ARNT2: variants seen among roughly 807,000 people sequenced by gnomAD.
The protein encoded by ARNT2 is aryl hydrocarbon receptor nuclear translocator 2, also known as ARNT protein 2.
ARNT2 carries 36 observed loss-of-function variants against 91.7 expected under a neutral mutation model. The observed-to-expected ratio is 0.39, with a 90% CI of 0.30 to 0.52. The LOEUF (loss-of-function observed/expected upper bound fraction) is 0.52. Among genes scored for constraint, ARNT2 ranks in the 20% least tolerant of loss-of-function variants. The pLI is 0.72. For synonymous variants in ARNT2, 365 were observed against 347.1 expected, an observed-to-expected ratio of 1.05 and a Z score of -0.57; for missense variants, 775 against 939.3, an observed-to-expected ratio of 0.83 and a Z score of 2.29.
Position 80,505,927 on chromosome 15 carries a change from G to GTTTTTTTTTTTTTTTTT in ARNT2, c.623-2225_623-2209dup, listed in dbSNP as rs1161520898. Among the ~76,000 whole-genome samples, 39 of 88,942 alleles carry GTTTTTTTTTTTTTTTTT rather than the reference G, an allele frequency of 4.4e-4. 5 individuals carry two copies. The highest frequency in any genetic ancestry group is 5.4e-4 in the Non-Finnish European group (25 of 46,354). The allele number at this position is 88,942 out of a possible 152,430, so 58.3% of individuals were successfully genotyped here. A position where few individuals can be genotyped will look rare whatever the true frequency, so the allele number is the denominator to read the frequency against. ...GAAAAAATGATTCCCAACATTTGTT[G>GTTTTTTTTTTTTTTTTT]TTTTTTTTTTTTTTTTTTTTGAGAC... On this transcript the variant is annotated intron_variant, in intron 5 of 18. Coordinates refer to ENST00000303329, the MANE Select transcript of ARNT2 (RefSeq NM_014862.4).
chr15:80,523,334 C>T (rs1897583518), intron 8 of ARNT2, among the ~76,000 whole-genome samples: 2 of 152,144 alleles, frequency 1.3e-5, no homozygotes, highest in African/African-American at 4.8e-5. Flanking sequence ...ACCCATCCTT[C>T]AGGGATTGCA....
chr15:80,441,140 A>G (rs1009555232), intron 1 of ARNT2: 16 of 858,684 alleles, frequency 1.9e-5, no homozygotes, highest in Non-Finnish European at 2.1e-5. Flanking sequence ...GAACCTAAGC[A>G]GTTAATGCTA....
intron 14 of ARNT2, among the ~76,000 whole-genome samples, chr15:80,575,449 T>C (rs187342426): frequency 2.3e-4 from 35 of 152,322 alleles, no homozygotes; most frequent in Admixed American, 2.0e-3. Context: ...GCACCCTCGA[T>C]GACCGAAGGA....
intron 8 of ARNT2, among the ~76,000 whole-genome samples, chr15:80,539,771 G>GA (rs937386301): frequency 9.3e-5 from 14 of 151,172 alleles, no homozygotes; most frequent in African/African-American, 2.9e-4. Flanking sequence ...TCAAATGTAT[G>GA]AAAAAAATTA....
At position 80,559,315 on chromosome 15, in the gene ARNT2, T is replaced by TCCCAGC. The variant is rs1171259071; in HGVS notation, c.1165-3767_1165-3762dup. Among the ~76,000 whole-genome samples, 122 of 151,464 alleles carry TCCCAGC rather than the reference T, an allele frequency of 8.1e-4. 1 individual carries two copies. The highest frequency in any genetic ancestry group is 6.4e-3 in the East Asian group (33 of 5,162). ...GAGGCCGAGACAGCAGTGCCGGCAG[T>TCCCAGC]CCCAGCCCCAGACCCAGCCCCAGCC... On this transcript the variant is annotated intron_variant, in intron 11 of 18. Transcript: ENST00000303329.
intron 8 of ARNT2, among the ~76,000 whole-genome samples, chr15:80,517,142 G>A (rs1293662853): frequency 2.0e-5 from 3 of 151,970 alleles, no homozygotes; most frequent in African/African-American, 7.2e-5. Flanking sequence ...CATTACTGGT[G>A]ATGAATTCTG....
At chr15:80,483,248 C>T (rs1427887989) in intron 5 of ARNT2, among the ~76,000 whole-genome samples, 1 of 152,222 alleles carries the variant, frequency 6.6e-6, no homozygotes, top group African/African-American at 2.4e-5. Context: ...AACTTATATA[C>T]TTCGATGCAC....
intron 6 of ARNT2, 124 bp from the exon 7 acceptor site, chr15:80,513,787 C>CTATAGGCGTCACCTGAATAAATG (rs1165419209): frequency 2.8e-6 from 2 of 711,586 alleles, no homozygotes; most frequent in African/African-American, 3.6e-5. Context: ...AGAAAATTGG[C>CTATAGGCGTCACCTGAATAAATG]TATAGGCGTC....
rs564497916 is a variant in ARNT2 at position 80,595,556 on chromosome 15, C to T, written c.*1858C>T. 2.6e-5 allele frequency: 4 copies of T among 152,386 alleles called. No homozygotes were observed. The highest frequency in any genetic ancestry group is 9.6e-5 in the African/African-American group (4 of 41,584). The allele number at this position is 152,386 out of a possible 1,614,324, so 9.4% of individuals were successfully genotyped here. ...GTGCTCAATGTTGCTGGGGGACCTA[C>T]AAAAGTCAAACATTGCTCAGTAAAA... is the stretch of plus-strand genomic sequence containing the variant. On this transcript the variant is annotated 3_prime_UTR_variant, in exon 19 of 19. Coordinates refer to ENST00000303329, the MANE Select transcript of ARNT2 (RefSeq NM_014862.4).
chr15:80,574,327 A>AT, intron 13 of ARNT2, 107 bp downstream of exon 13: 1 of 1,078,660 alleles, frequency 9.3e-7, no homozygotes. Context: ...GGATTGCCCC[A>AT]TCCCCCCACT....
chr15:80,484,432 T>C (rs1216567255), intron 5 of ARNT2, among the ~76,000 whole-genome samples: 1 of 152,232 alleles, frequency 6.6e-6, no homozygotes, highest in Non-Finnish European at 1.5e-5. Context: ...GGTTGTTTTT[T>C]GTATCTTCAC....
intron 1 of ARNT2, among the ~76,000 whole-genome samples, chr15:80,430,791 A>G (rs2141568609): frequency 6.6e-6 from 1 of 152,330 alleles, no homozygotes; most frequent in East Asian, 1.9e-4. Context: ...TCTCTCCCAC[A>G]ATACACAGAA....
In ARNT2 at chr15:80,596,968, CA is replaced by C; in HGVS notation, c.*3273del. 2 of 357,654 alleles carry C rather than the reference CA, an allele frequency of 5.6e-6. No homozygotes were observed. Among genetic ancestry groups the C allele is most frequent in the Non-Finnish European group, 1.1e-5 (2 of 181,190 alleles). 22.2% of individuals were successfully genotyped at this position (357,654 alleles called of 1,614,324 possible). On this transcript the variant is annotated 3_prime_UTR_variant, in exon 19 of 19. Transcript: ENST00000303329. ...TGGCTTCAGGGAGTGACAGCCATCA[CA>C]AATAGCCACATTCTGCTCTACTCTC...
chr15:80,412,961 G>T (rs535633992), intron 1 of ARNT2, among the ~76,000 whole-genome samples: 2 of 152,156 alleles, frequency 1.3e-5, no homozygotes, highest in Non-Finnish European at 2.9e-5. Context: ...GGCAGGTTCC[G>T]GCAACCCAGG....
At chr15:80,552,835 T>G (rs761488072) in intron 10 of ARNT2, 61 bp downstream of exon 10, 41 of 1,573,168 alleles carry the variant, frequency 2.6e-5, no homozygotes, top group Middle Eastern at 1.7e-4. Flanking sequence ...TTTAAAACAT[T>G]CTTACTTCAT....
intron 2 of ARNT2, among the ~76,000 whole-genome samples, chr15:80,453,546 C>T (rs944562393): frequency 1.4e-4 from 21 of 152,238 alleles, no homozygotes; most frequent in African/African-American, 4.3e-4. Context: ...GAGGCCTCCG[C>T]TGTTCTAGAA....
intron 2 of ARNT2, among the ~76,000 whole-genome samples, chr15:80,454,451 T>C (rs762373205): frequency 1.3e-5 from 2 of 152,248 alleles, no homozygotes; most frequent in Non-Finnish European, 2.9e-5. Context: ...AAGTTACTTA[T>C]AGCCAATGGA....
At chr15:80,414,726 T>C (rs1895752020) in intron 1 of ARNT2, among the ~76,000 whole-genome samples, 1 of 151,902 alleles carries the variant, frequency 6.6e-6, no homozygotes, top group Admixed American at 6.6e-5. Flanking sequence ...AAGAATAAAA[T>C]GAATGAATGT....
At chr15:80,487,198 C>G (rs1422387915) in intron 5 of ARNT2, among the ~76,000 whole-genome samples, 1 of 152,210 alleles carries the variant, frequency 6.6e-6, no homozygotes. Flanking sequence ...GCTTCCATCT[C>G]TCTTCGCCTG....
Sources: gnomAD v4.1 joint callset for allele counts (sites outside exome capture counted in the v4.1 genomes callset) on GRCh38, gnomAD v4.1.1 for gene constraint, MANE v1.5 for transcripts, NCBI Gene and HGNC (gene_info 2026-07-23, HGNC 2026-07-21) for gene names.